The following LRMDA variants were observed in gnomAD, a reference collection of about 807,000 sequenced individuals.
LRMDA encodes the protein leucine-rich melanocyte differentiation-associated protein.
A neutral mutation model predicts 29.8 loss-of-function variants in LRMDA; 18 were observed. The observed-to-expected ratio is 0.60, with a 90% CI of 0.42 to 0.90. The LOEUF is 0.90. Among genes scored for constraint, LRMDA ranks in the 40% least tolerant of loss-of-function variants. The probability of loss-of-function intolerance (pLI) is 0.00; values close to 1 mark genes in which losing one functional copy is unlikely to be tolerated. For missense variants in LRMDA, 273 were observed against 273.9 expected (o/e 1.00, Z 0.02); for synonymous variants, 125 against 109.4 (o/e 1.14, Z -0.89).
chr10:76,440,807 A>G (rs893781657), intron 6 of LRMDA, among the ~76,000 whole-genome samples: 1 of 152,150 alleles, frequency 6.6e-6, no homozygotes, highest in Non-Finnish European at 1.5e-5. Context: ...TGTCATAGTT[A>G]GTATTTGGAA....
At chr10:75,804,196 A>G (rs553735020) in intron 2 of LRMDA, among the ~76,000 whole-genome samples, 1 of 152,274 alleles carries the variant, frequency 6.6e-6, no homozygotes, top group Non-Finnish European at 1.5e-5. Flanking sequence ...GAAAAACACC[A>G]TTGATTCACT....
chr10:75,593,832 A>G (rs889296249), intron 2 of LRMDA, among the ~76,000 whole-genome samples: 39 of 145,554 alleles, frequency 2.7e-4, no homozygotes, highest in African/African-American at 9.2e-4. Context: ...CCATGCCTGG[A>G]CTCTCGGTGG....
chr10:75,506,949 A>G (rs961751039), intron 2 of LRMDA, among the ~76,000 whole-genome samples: 3 of 152,038 alleles, frequency 2.0e-5, no homozygotes, highest in Admixed American at 6.5e-5. Flanking sequence ...CCTTTCCCCC[A>G]TTTAGCTCTC....
intron 2 of LRMDA, among the ~76,000 whole-genome samples, chr10:75,941,150 T>C (rs1174132678): frequency 1.3e-5 from 2 of 152,132 alleles, no homozygotes; most frequent in African/African-American, 4.8e-5. Flanking sequence ...CTAGCCACCT[T>C]ATAGTTTAAA....
intron 5 of LRMDA, among the ~76,000 whole-genome samples, chr10:76,262,412 A>T (rs1411660766): frequency 6.6e-6 from 1 of 152,194 alleles, no homozygotes; most frequent in African/African-American, 2.4e-5. Flanking sequence ...CGTGAAAAGA[A>T]CAAAGTGGGG....
At chr10:75,774,236 A>G (rs1843279695) in intron 2 of LRMDA, among the ~76,000 whole-genome samples, 1 of 152,142 alleles carries the variant, frequency 6.6e-6, no homozygotes, top group African/African-American at 2.4e-5. Flanking sequence ...AATATTTTCA[A>G]GCATTACATT....
In LRMDA at chr10:76,047,306, G is replaced by A. The variant is rs772854778; in HGVS notation, c.398+3G>A. ...GAGGAAGACTACAAGAGATACAGGT[G>A]AGTGTCCAGGGGTTGGACCATGGTG... On this transcript the variant is annotated splice_donor_region_variant and intron_variant, in intron 4 of 6. Transcript: ENST00000611255. 5.6e-6 allele frequency: 9 copies of A among 1,606,690 alleles called. No homozygotes were observed. Among genetic ancestry groups the A allele is most frequent in the Non-Finnish European group, 1.7e-6 (2 of 1,176,512 alleles).
At chr10:76,551,795 C>G (rs536222453) in intron 6 of LRMDA, among the ~76,000 whole-genome samples, 3 of 152,272 alleles carry the variant, frequency 2.0e-5, no homozygotes, top group African/African-American at 7.2e-5. Flanking sequence ...GAGCCTTCTG[C>G]AGTGGACCAA....
chr10:75,648,243 A>T (rs1841552894), intron 2 of LRMDA, among the ~76,000 whole-genome samples: 2 of 152,192 alleles, frequency 1.3e-5, no homozygotes, highest in East Asian at 3.9e-4. Context: ...GCCCTAGATC[A>T]TGGTGAGTGG....
chr10:75,692,391 A>G (rs1842177103), intron 2 of LRMDA, among the ~76,000 whole-genome samples: 1 of 148,798 alleles, frequency 6.7e-6, no homozygotes, highest in Non-Finnish European at 1.5e-5. Context: ...GTGCCTACAT[A>G]TATATACACA....
chr10:76,124,584 G>A (rs1469974775), intron 5 of LRMDA, among the ~76,000 whole-genome samples: 4 of 152,210 alleles, frequency 2.6e-5, no homozygotes, highest in Non-Finnish European at 4.4e-5. Context: ...TGGTCTTCCT[G>A]GCAGAACTCA....
intron 2 of LRMDA, among the ~76,000 whole-genome samples, chr10:75,867,412 C>T (rs947492329): frequency 1.2e-4 from 18 of 152,138 alleles, no homozygotes; most frequent in Non-Finnish European, 7.4e-5. Flanking sequence ...CTGCCCGCCT[C>T]GGCCTCCCAA....
rs1015025664 is a variant in LRMDA, at chr10:76,156,330, CTCATAGT to C, written c.516+97551_516+97557del. Among the ~76,000 whole-genome samples, 3 of 152,122 alleles carry C rather than the reference CTCATAGT, an allele frequency of 2.0e-5. No individual in the cohort carries two copies. The East Asian group carries it at 5.8e-4, about 29-fold the overall frequency. On this transcript the variant is annotated intron_variant, in intron 5 of 6. Transcript: ENST00000611255. The stretch of plus-strand genomic sequence containing the variant: ...ACAGCAAGCTCACAGGTGATGAGAA[CTCATAGT>C]TCAGCATTTTGCTTCTCTTCTATGA...
At chr10:75,862,509 C>T (rs1054546331) in intron 2 of LRMDA, among the ~76,000 whole-genome samples, 3 of 152,140 alleles carry the variant, frequency 2.0e-5, no homozygotes, top group African/African-American at 7.2e-5. Flanking sequence ...CTGCAGCTTG[C>T]ATGCATGGAG....
chr10:75,442,241 C>T (rs1844334378), intron 2 of LRMDA, among the ~76,000 whole-genome samples: 1 of 152,132 alleles, frequency 6.6e-6, no homozygotes, highest in Non-Finnish European at 1.5e-5. Flanking sequence ...TTAACATATC[C>T]CTTACTTCAC....
intron 2 of LRMDA, among the ~76,000 whole-genome samples, chr10:75,871,056 G>A (rs961917904): frequency 6.6e-6 from 1 of 152,092 alleles, no homozygotes. Flanking sequence ...TCCCTAGTCC[G>A]ACCACTCCTT....
chr10:75,865,733 T>C (rs1589233756), intron 2 of LRMDA, among the ~76,000 whole-genome samples: 1 of 152,228 alleles, frequency 6.6e-6, no homozygotes, highest in South Asian at 2.1e-4. Context: ...ATTTGACTTA[T>C]ATGGAGGAAT....
intron 5 of LRMDA, among the ~76,000 whole-genome samples, chr10:76,150,553 G>A (rs1453101165): frequency 6.6e-6 from 1 of 152,122 alleles, no homozygotes; most frequent in African/African-American, 2.4e-5. Flanking sequence ...CTGTCATAAC[G>A]CAAGGTTAAA....
At chr10:75,534,882 TC>T (rs1839928700) in intron 2 of LRMDA, among the ~76,000 whole-genome samples, 2 of 152,164 alleles carry the variant, frequency 1.3e-5, no homozygotes, top group African/African-American at 4.8e-5. Context: ...AGGGTCAGAT[TC>T]AGGGGAAAGT....
Sources: allele counts gnomAD v4.1 joint callset (sites outside exome capture counted in the v4.1 genomes callset), GRCh38; gene constraint gnomAD v4.1.1; transcripts MANE v1.5; gene names NCBI Gene and HGNC (gene_info 2026-07-23, HGNC 2026-07-21).